Variants in ELAVL2 observed in about 807,000 individuals in gnomAD.
The protein encoded by ELAVL2 is ELAV-like protein 2.
In ELAVL2, 4 loss-of-function variants were observed where a neutral mutation model predicts 34.6. That is an observed-to-expected ratio of 0.12 (90% CI 0.06 to 0.26). The LOEUF (loss-of-function observed/expected upper bound fraction) is 0.26. ELAVL2 is among the 10% of genes least tolerant of loss of function. The pLI, the probability that ELAVL2 is intolerant of heterozygous loss-of-function variation, is 1.00. For missense variants in ELAVL2, 432 were observed against 442.8 expected (o/e 0.98, Z 0.22); for synonymous variants, 193 against 154.8 (o/e 1.25, Z -1.83).
intron 5 of ELAVL2, among the ~76,000 whole-genome samples, chr9:23,697,150 A>G (rs1178697013): frequency 6.6e-6 from 1 of 152,124 alleles, no homozygotes; most frequent in African/African-American, 2.4e-5. Flanking sequence ...ATTAGACTGG[A>G]TAACCTGCTT....
chr9:23,728,902 G>T (rs1373610351), intron 3 of ELAVL2, among the ~76,000 whole-genome samples: 1 of 152,082 alleles, frequency 6.6e-6, no homozygotes, highest in Non-Finnish European at 1.5e-5. Context: ...ATAGGGGCGG[G>T]GAAAGAAGTA....
chr9:23,700,920 C>G (rs1435071662), intron 5 of ELAVL2, among the ~76,000 whole-genome samples: 3 of 151,784 alleles, frequency 2.0e-5, no homozygotes, highest in Admixed American at 6.6e-5. Context: ...GGAAACAATT[C>G]AGATAACCCC....
At chr9:23,804,699 T>A (rs989946652) in intron 1 of ELAVL2, among the ~76,000 whole-genome samples, 2 of 152,198 alleles carry the variant, frequency 1.3e-5, no homozygotes, top group Non-Finnish European at 2.9e-5. Context: ...CTTATCAGTT[T>A]GCAGTCCCAC....
chr9:23,774,257 A>G (rs1670388258), intron 1 of ELAVL2, among the ~76,000 whole-genome samples: 1 of 149,610 alleles, frequency 6.7e-6, no homozygotes, highest in African/African-American at 2.4e-5. Flanking sequence ...GAAAGAAAGA[A>G]AATTTGCTTA....
intron 2 of ELAVL2, among the ~76,000 whole-genome samples, chr9:23,738,961 T>G (rs576853194): frequency 1.3e-5 from 2 of 152,284 alleles, no homozygotes; most frequent in African/African-American, 4.8e-5. Context: ...CCTGCTTAAG[T>G]TGGCGATACT....
At chr9:23,723,234 T>C (rs1587718098) in intron 3 of ELAVL2, among the ~76,000 whole-genome samples, 1 of 152,136 alleles carries the variant, frequency 6.6e-6, no homozygotes, top group African/African-American at 2.4e-5. Flanking sequence ...TGGAATACTA[T>C]GCAGCCATAA....
intron 2 of ELAVL2, among the ~76,000 whole-genome samples, chr9:23,743,372 T>C (rs546643261): frequency 7.9e-5 from 12 of 152,172 alleles, no homozygotes; most frequent in Non-Finnish European, 1.2e-4. Flanking sequence ...TGATTAGCTA[T>C]TGTAATCCTC....
At chr9:23,714,592 C>T (rs1027048823) in intron 3 of ELAVL2, among the ~76,000 whole-genome samples, 16 of 152,330 alleles carry the variant, frequency 1.1e-4, no homozygotes, top group Middle Eastern at 3.4e-3. Context: ...AAACCTCTCA[C>T]TACCTCAATT....
At chr9:23,714,935 G>C (rs568194251) in intron 3 of ELAVL2, among the ~76,000 whole-genome samples, 74 of 152,288 alleles carry the variant, frequency 4.9e-4, no homozygotes, top group Admixed American at 3.2e-3. Flanking sequence ...TCACTAGTCA[G>C]TACTCAGTAT....
chr9:23,727,524 T>C (rs1358841768), intron 3 of ELAVL2, among the ~76,000 whole-genome samples: 1 of 152,108 alleles, frequency 6.6e-6, no homozygotes, highest in Non-Finnish European at 1.5e-5. Context: ...ACCAAATGTA[T>C]AGAGAACCGC....
intron 4 of ELAVL2, 53 bp downstream of exon 4, chr9:23,704,865 C>A (rs1028270193): frequency 5.0e-6 from 8 of 1,597,514 alleles, no homozygotes; most frequent in Non-Finnish European, 6.8e-6. Context: ...GAATATTTCA[C>A]AATCTGCTAG....
intron 1 of ELAVL2, among the ~76,000 whole-genome samples, chr9:23,811,273 C>A (rs1027482631): frequency 6.6e-6 from 1 of 152,064 alleles, no homozygotes; most frequent in Non-Finnish European, 1.5e-5. Context: ...AAGGAATGAG[C>A]CTCTCCACTA....
intron 3 of ELAVL2, among the ~76,000 whole-genome samples, chr9:23,721,649 C>A (rs1325376675): frequency 6.6e-6 from 1 of 152,168 alleles, no homozygotes; most frequent in Non-Finnish European, 1.5e-5. Flanking sequence ...TGGGTTTGAA[C>A]TGTGTGGGTG....
chr9:23,778,824 A>G (rs1331106622), intron 1 of ELAVL2, among the ~76,000 whole-genome samples: 2 of 152,180 alleles, frequency 1.3e-5, no homozygotes, highest in African/African-American at 2.4e-5. Flanking sequence ...GTCACTAAAC[A>G]TCCTAATATG....
At chr9:23,770,332 G>C (rs754421354) in intron 1 of ELAVL2, among the ~76,000 whole-genome samples, 1 of 152,260 alleles carries the variant, frequency 6.6e-6, no homozygotes, top group African/African-American at 2.4e-5. Flanking sequence ...AGGTTTGAAG[G>C]AGATATGGGC....
intron 1 of ELAVL2, among the ~76,000 whole-genome samples, chr9:23,818,012 C>T (rs188493570): frequency 3.3e-5 from 5 of 152,138 alleles, no homozygotes; most frequent in Non-Finnish European, 7.3e-5. Flanking sequence ...TCTAGTATCT[C>T]GAACCAAATA....
rs1256044526 is a variant in ELAVL2 at position 23,696,520 on chromosome 9, G to C, written c.714-3034C>G. Among the ~76,000 whole-genome samples, 3 of 152,342 alleles carry C rather than the reference G, an allele frequency of 2.0e-5. No homozygotes were observed. The East Asian group carries it at 5.8e-4, about 29-fold the overall frequency. On this transcript the variant is annotated intron_variant, in intron 5 of 6. Transcript: ENST00000397312. ...GTCTCGCTCTGTCACCCAGGCTGGA[G>C]TGCAGTGGCGTGATCTCGGCTCACT...
chr9:23,766,731 T>A (rs547347993), intron 1 of ELAVL2, among the ~76,000 whole-genome samples: 1 of 152,282 alleles, frequency 6.6e-6, no homozygotes, highest in African/African-American at 2.4e-5. Flanking sequence ...TATAAATAAG[T>A]TGCTCACATG....
intron 3 of ELAVL2, among the ~76,000 whole-genome samples, chr9:23,708,547 A>G (rs184807023): frequency 2.4e-4 from 36 of 152,376 alleles, no homozygotes; most frequent in Admixed American, 4.6e-4. Context: ...GAGTTGGGAA[A>G]AATTAAATGA....
Sources: gnomAD v4.1 joint callset for allele counts (sites outside exome capture counted in the v4.1 genomes callset) on GRCh38, gnomAD v4.1.1 for gene constraint, MANE v1.5 for transcripts, NCBI Gene and HGNC (gene_info 2026-07-23, HGNC 2026-07-21) for gene names.